Variants in SNTG1 observed in about 807,000 individuals in gnomAD.
SNTG1 encodes the protein gamma-1-syntrophin.
SNTG1 carries 39 observed loss-of-function variants against 74.7 expected under a neutral mutation model. That is an observed-to-expected ratio of 0.52 (90% CI 0.40 to 0.68). The LOEUF is 0.68. Ranked by LOEUF, SNTG1 falls within the 30% of genes least tolerant of loss-of-function variation. SNTG1 has a pLI of 0.00. For synonymous variants in SNTG1, 254 were observed against 217.1 expected (o/e 1.17, Z -1.49); for missense variants, 685 against 609.5 (o/e 1.12, Z -1.30).
rs10102130 is a variant in SNTG1 at position 50,090,039 on chromosome 8, C to T, written c.-102-82522C>T. ...ATAGGATCACTCCCAGGGCTAGGGC[C>T]GTAAGAGTGTCGTCTTCAAGTAACA... On this transcript the variant is annotated intron_variant, in intron 1 of 18. Coordinates refer to ENST00000642720, the MANE Select transcript of SNTG1 (RefSeq NM_018967.5). 4.5e-3 allele frequency among the ~76,000 whole-genome samples: 686 copies of T among 152,308 alleles called. 6 individuals carry two copies. The highest frequency in any genetic ancestry group is 0.016 in the African/African-American group (661 of 41,566).
chr8:50,525,098 G>T (rs1176879347), intron 9 of SNTG1, among the ~76,000 whole-genome samples: 1 of 151,982 alleles, frequency 6.6e-6, no homozygotes, highest in Non-Finnish European at 1.5e-5. Context: ...GTTTATTTAA[G>T]AAGATCTGTA....
At chr8:50,629,805 C>T (rs2094983565) in intron 13 of SNTG1, among the ~76,000 whole-genome samples, 1 of 152,102 alleles carries the variant, frequency 6.6e-6, no homozygotes. Context: ...ATTTTCTCTA[C>T]TTTTTAAAAT....
chr8:50,002,189 G>C (rs1351213226), intron 1 of SNTG1, among the ~76,000 whole-genome samples: 1 of 152,200 alleles, frequency 6.6e-6, no homozygotes, highest in Non-Finnish European at 1.5e-5. Flanking sequence ...ATATCACAAA[G>C]TGGGTATTTT....
intron 8 of SNTG1, among the ~76,000 whole-genome samples, chr8:50,472,023 C>G (rs1344832198): frequency 2.0e-5 from 3 of 151,920 alleles, no homozygotes; most frequent in Non-Finnish European, 4.4e-5. Context: ...ATAGAAAACT[C>G]AAAAATATTT....
chr8:49,921,028 G>A (rs531922802), intron 1 of SNTG1, among the ~76,000 whole-genome samples: 1 of 152,088 alleles, frequency 6.6e-6, no homozygotes, highest in South Asian at 2.1e-4. Flanking sequence ...GATAATGAGA[G>A]GACATAACAA....
At chr8:50,588,428 C>T (rs1225835508) in intron 12 of SNTG1, among the ~76,000 whole-genome samples, 1 of 152,108 alleles carries the variant, frequency 6.6e-6, no homozygotes, top group African/African-American at 2.4e-5. Flanking sequence ...ACATCCCACT[C>T]CCCATTTTGG....
chr8:50,395,385 T>G (rs2092713944), intron 3 of SNTG1, among the ~76,000 whole-genome samples: 2 of 152,220 alleles, frequency 1.3e-5, no homozygotes, highest in African/African-American at 4.8e-5. Context: ...CTGAATACTA[T>G]AAGGTCAGAG....
intron 4 of SNTG1, among the ~76,000 whole-genome samples, chr8:50,430,236 T>C (rs2093217945): frequency 6.6e-6 from 1 of 152,200 alleles, no homozygotes; most frequent in South Asian, 2.1e-4. Flanking sequence ...TTTCATGGCA[T>C]ATGAATTATA....
At chr8:50,580,520 C>T (rs905348291) in intron 12 of SNTG1, among the ~76,000 whole-genome samples, 1 of 152,056 alleles carries the variant, frequency 6.6e-6, no homozygotes, top group African/African-American at 2.4e-5. Flanking sequence ...CTATAGTTCC[C>T]ATTAGCCCAA....
intron 17 of SNTG1, among the ~76,000 whole-genome samples, chr8:50,723,180 G>A (rs2095491896): frequency 6.6e-6 from 1 of 152,246 alleles, no homozygotes; most frequent in African/African-American, 2.4e-5. Flanking sequence ...AAAGACATGG[G>A]AAAGTAAAAA....
intron 4 of SNTG1, among the ~76,000 whole-genome samples, chr8:50,414,524 G>A (rs1216024525): frequency 6.6e-6 from 1 of 151,778 alleles, no homozygotes; most frequent in Non-Finnish European, 1.5e-5. Context: ...TTTGCCTTTG[G>A]GTCTCTGCTC....
intron 8 of SNTG1, among the ~76,000 whole-genome samples, chr8:50,470,347 T>G (rs977399590): frequency 2.0e-5 from 3 of 152,342 alleles, no homozygotes; most frequent in South Asian, 2.1e-4. Context: ...GGGTTCTTGG[T>G]CTCGCTGACT....
At chr8:50,271,540 G>A (rs1366261297) in intron 2 of SNTG1, among the ~76,000 whole-genome samples, 2 of 152,044 alleles carry the variant, frequency 1.3e-5, no homozygotes, top group Non-Finnish European at 2.9e-5. Context: ...AATTTATAAG[G>A]TTTTATTTCA....
At chr8:50,565,012 T>C (rs952386216) in intron 12 of SNTG1, among the ~76,000 whole-genome samples, 34 of 152,018 alleles carry the variant, frequency 2.2e-4, no homozygotes, top group African/African-American at 8.0e-4. Flanking sequence ...GTCAAATTAA[T>C]AATATGTACC....
At chr8:50,081,234 C>T (rs1450192891) in intron 1 of SNTG1, among the ~76,000 whole-genome samples, 4 of 151,290 alleles carry the variant, frequency 2.6e-5, no homozygotes, top group Admixed American at 2.0e-4. Flanking sequence ...TTATAAAATT[C>T]TTTGTTGACA....
At chr8:49,980,774 A>G (rs73569370) in intron 1 of SNTG1, among the ~76,000 whole-genome samples, 1,725 of 152,266 alleles carry the variant, frequency 0.011, 39 homozygotes, top group African/African-American at 0.038. Flanking sequence ...TAAAAATTCA[A>G]TAAAAAGTAT....
chr8:50,270,152 C>T (rs2087703484), intron 2 of SNTG1, among the ~76,000 whole-genome samples: 2 of 152,016 alleles, frequency 1.3e-5, no homozygotes, highest in Admixed American at 1.3e-4. Flanking sequence ...TCTTCCAAAG[C>T]AAGAGCTATA....
In SNTG1 at chr8:50,079,341, G is replaced by A. The variant is rs149228818; in HGVS notation, c.-102-93220G>A. ...TCAGCTTTTTTTCAAATGTTTGTTG[G>A]CCACATAAATATCTTCTTTTGGGAA... is the stretch of plus-strand genomic sequence containing the variant. On this transcript the variant is annotated intron_variant, in intron 1 of 18. Transcript: ENST00000642720. 3.5e-3 allele frequency among the ~76,000 whole-genome samples: 534 copies of A among 151,802 alleles called. 3 individuals are homozygous for A. The highest frequency in any genetic ancestry group is 0.012 in the African/African-American group (515 of 41,418).
At chr8:50,570,850 T>A (rs1481265368) in intron 12 of SNTG1, among the ~76,000 whole-genome samples, 2 of 151,616 alleles carry the variant, frequency 1.3e-5, no homozygotes, top group African/African-American at 2.4e-5. Flanking sequence ...GTGATCTGCC[T>A]GCCTCAGCCT....
Sources: allele counts gnomAD v4.1 joint callset (sites outside exome capture counted in the v4.1 genomes callset), GRCh38; gene constraint gnomAD v4.1.1; transcripts MANE v1.5; gene names NCBI Gene and HGNC (gene_info 2026-07-23, HGNC 2026-07-21).